The following WWOX variants were observed in gnomAD, a reference collection of about 807,000 sequenced individuals.
WWOX encodes the protein WW domain-containing oxidoreductase.
WWOX carries 69 observed loss-of-function variants against 46.2 expected under a neutral mutation model. The ratio of observed to expected loss-of-function variants is 1.49; its 90% CI spans 1.23 to 1.82. The LOEUF (loss-of-function observed/expected upper bound fraction) is 1.82. WWOX is among the 40% of genes most tolerant of loss of function. The pLI, the probability that WWOX is intolerant of heterozygous loss-of-function variation, is 0.00. For missense variants in WWOX, 919 were observed against 542.6 expected, an observed-to-expected ratio of 1.69 and a Z score of -6.89; for synonymous variants, 359 against 202.6, an observed-to-expected ratio of 1.77 and a Z score of -6.56.
intron 8 of WWOX, chr16:79,004,121 CTCTT>C (rs2047146962): frequency 6.6e-6 from 1 of 152,196 alleles, no homozygotes; most frequent in African/African-American, 2.4e-5. Flanking sequence ...TGTCTGTTAT[CTCTT>C]TATCATCCGT....
At chr16:78,787,899 A>G (rs578020598) in intron 8 of WWOX, among the ~76,000 whole-genome samples, 3 of 152,174 alleles carry the variant, frequency 2.0e-5, no homozygotes, top group Admixed American at 2.0e-4. Context: ...ATGATTAATG[A>G]TGTTGAGTAT....
chr16:78,861,497 C>G (rs1048983620), intron 8 of WWOX, among the ~76,000 whole-genome samples: 2 of 152,252 alleles, frequency 1.3e-5, no homozygotes, highest in East Asian at 3.9e-4. Context: ...ACCCACTTCC[C>G]CCATGCCTGA....
chr16:78,665,004 T>C (rs1043164682), intron 8 of WWOX, among the ~76,000 whole-genome samples: 1 of 152,220 alleles, frequency 6.6e-6, no homozygotes, highest in African/African-American at 2.4e-5. Context: ...ACTGACGTTT[T>C]CTGTGCAGCG....
At chr16:78,841,065 T>C (rs553142413) in intron 8 of WWOX, among the ~76,000 whole-genome samples, 2 of 152,252 alleles carry the variant, frequency 1.3e-5, no homozygotes, top group East Asian at 3.9e-4. Flanking sequence ...CTCGTCCCGG[T>C]AACATACACC....
At chr16:78,830,834 C>T (rs532661935) in intron 8 of WWOX, among the ~76,000 whole-genome samples, 94 of 152,082 alleles carry the variant, frequency 6.2e-4, no homozygotes, top group African/African-American at 2.0e-3. Flanking sequence ...CTATTTCTGT[C>T]GTTTGCAGAG....
chr16:78,974,139 C>T (rs1422100308), intron 8 of WWOX, among the ~76,000 whole-genome samples: 2 of 152,182 alleles, frequency 1.3e-5, no homozygotes. Flanking sequence ...AGTGTGATTT[C>T]ACAAATCAAA....
intron 8 of WWOX, among the ~76,000 whole-genome samples, chr16:78,676,598 G>T (rs1302364887): frequency 6.6e-6 from 1 of 152,126 alleles, no homozygotes; most frequent in Admixed American, 6.5e-5. Flanking sequence ...ACTCTGCTCA[G>T]TGCAAGGTTT....
At chr16:78,435,508 A>G (rs2083315190) in intron 8 of WWOX, among the ~76,000 whole-genome samples, 1 of 152,188 alleles carries the variant, frequency 6.6e-6, no homozygotes, top group African/African-American at 2.4e-5. Context: ...TGAGTGAGAA[A>G]GCTGTGGGAA....
chr16:78,182,327 C>T (rs569621067), intron 5 of WWOX, among the ~76,000 whole-genome samples: 4 of 152,128 alleles, frequency 2.6e-5, no homozygotes, highest in Non-Finnish European at 5.9e-5. Flanking sequence ...GCTTGGGGCT[C>T]TGCCTACCTG....
At chr16:79,207,576 T>A (rs559356019) in intron 8 of WWOX, among the ~76,000 whole-genome samples, 1 of 152,382 alleles carries the variant, frequency 6.6e-6, no homozygotes, top group Admixed American at 6.5e-5. Flanking sequence ...TCTCTCACAA[T>A]CATTGAATAT....
intron 8 of WWOX, chr16:78,996,177 T>A: frequency 1.0e-6 from 1 of 980,038 alleles, no homozygotes; most frequent in Non-Finnish European, 1.2e-6. Flanking sequence ...AACTCACATC[T>A]TCTTTAAATA....
chr16:78,842,498 G>A (rs895337743), intron 8 of WWOX, among the ~76,000 whole-genome samples: 1 of 56,128 alleles, frequency 1.8e-5, no homozygotes, highest in Non-Finnish European at 4.2e-5. Context: ...GTGACACCCT[G>A]TTTCGAAAAA....
intron 5 of WWOX, among the ~76,000 whole-genome samples, chr16:78,367,136 C>T (rs750722738): frequency 3.9e-5 from 6 of 151,992 alleles, no homozygotes; most frequent in East Asian, 3.9e-4. Context: ...CCTGCCACCA[C>T]GCCCGGCTAA....
chr16:79,052,093 G>A (rs576765349), intron 8 of WWOX, among the ~76,000 whole-genome samples: 2 of 151,204 alleles, frequency 1.3e-5, no homozygotes, highest in South Asian at 4.2e-4. Flanking sequence ...CGTTGTGCAG[G>A]TTAGTTACAT....
chr16:78,862,955 C>T (rs111261059), intron 8 of WWOX, among the ~76,000 whole-genome samples: 5,981 of 146,980 alleles, frequency 0.041, 154 homozygotes, highest in Non-Finnish European at 0.059. Context: ...GGTGGTTATG[C>T]CAAGTTTTTT....
intron 8 of WWOX, among the ~76,000 whole-genome samples, chr16:79,030,815 C>A (rs1262856625): frequency 1.3e-5 from 2 of 152,114 alleles, no homozygotes; most frequent in East Asian, 3.9e-4. Flanking sequence ...GGGCATGGTG[C>A]CTCATTCCTG....
At chr16:78,115,211 A>G in intron 4 of WWOX, 57 bp downstream of exon 4, 9 of 1,601,018 alleles carry the variant, frequency 5.6e-6, no homozygotes, top group Non-Finnish European at 6.8e-6. Context: ...ATCCACTTAG[A>G]TCTAGCTATA....
intron 7 of WWOX, among the ~76,000 whole-genome samples, chr16:78,427,314 G>C (rs752204772): frequency 1.3e-5 from 2 of 152,164 alleles, no homozygotes; most frequent in African/African-American, 4.8e-5. Context: ...CTGTGTTTTA[G>C]TTACTTATCT....
intron 8 of WWOX, among the ~76,000 whole-genome samples, chr16:78,894,049 T>TATA (rs1555561449): frequency 2.0e-5 from 3 of 148,130 alleles, no homozygotes; most frequent in East Asian, 3.9e-4. Flanking sequence ...TTATTATTAT[T>TATA]ATATTTTGAG....
Sources: allele counts gnomAD v4.1 joint callset (sites outside exome capture counted in the v4.1 genomes callset), GRCh38; gene constraint gnomAD v4.1.1; transcripts MANE v1.5; gene names NCBI Gene and HGNC (gene_info 2026-07-23, HGNC 2026-07-21).